Variants in SLC4A4 observed in about 807,000 individuals in gnomAD.
SLC4A4 encodes the protein electrogenic sodium bicarbonate cotransporter 1.
SLC4A4 carries 27 observed loss-of-function variants against 111.5 expected under a neutral mutation model. The ratio of observed to expected loss-of-function variants is 0.24; its 90% CI spans 0.18 to 0.33. The LOEUF (loss-of-function observed/expected upper bound fraction) is 0.33. Among genes scored for constraint, SLC4A4 ranks in the 10% least tolerant of loss-of-function variants. The pLI is 1.00. For missense variants in SLC4A4, 909 were observed against 1,315.5 expected, an observed-to-expected ratio of 0.69 and a Z score of 4.78; for synonymous variants, 443 against 463.4, an observed-to-expected ratio of 0.96 and a Z score of 0.57.
chr4:71,463,521 T>A (rs1727032395), intron 12 of SLC4A4, among the ~76,000 whole-genome samples: 1 of 152,174 alleles, frequency 6.6e-6, no homozygotes, highest in Non-Finnish European at 1.5e-5. Flanking sequence ...GTATAATAAA[T>A]CACCTGTCTG....
chr4:71,083,915 T>C (rs1307269342), intron 1 of SLC4A4, among the ~76,000 whole-genome samples: 4 of 151,862 alleles, frequency 2.6e-5, no homozygotes, highest in African/African-American at 4.9e-5. Context: ...ATCTTTGTTA[T>C]GGTTATTCGC....
At chr4:71,151,463 G>A (rs896512063) in intron 2 of SLC4A4, among the ~76,000 whole-genome samples, 1 of 151,870 alleles carries the variant, frequency 6.6e-6, no homozygotes, top group East Asian at 1.9e-4. Context: ...CTCTGACATA[G>A]CCTTTGTCAT....
chr4:71,270,905 C>A (rs1722659940), intron 3 of SLC4A4, among the ~76,000 whole-genome samples: 1 of 152,196 alleles, frequency 6.6e-6, no homozygotes. Flanking sequence ...AGCAAAAGAA[C>A]AAATTAGCTT....
chr4:71,570,060 G>T lies in SLC4A4; in HGVS notation c.*2309G>T, dbSNP rs909489024. 1.3e-5 allele frequency: 2 copies of T among 151,598 alleles called. No individual in the cohort carries two copies. Among genetic ancestry groups the T allele is most frequent in the African/African-American group, 4.8e-5 (2 of 41,348 alleles). The allele number at this position is 151,598 out of a possible 1,614,324, so 9.4% of individuals were successfully genotyped here. A position where few individuals can be genotyped will look rare whatever the true frequency, so the allele number is the denominator to read the frequency against. On this transcript the variant is annotated 3_prime_UTR_variant, in exon 26 of 26. Transcript: ENST00000264485. The stretch of plus-strand genomic sequence containing the variant: ...TTATGCATGGAAGCATCAATAAATT[G>T]TTTAAAAACCATGTATAGTAAATTC...
At chr4:71,398,048 G>A (rs551724315) in intron 7 of SLC4A4, among the ~76,000 whole-genome samples, 1 of 152,214 alleles carries the variant, frequency 6.6e-6, no homozygotes, top group East Asian at 1.9e-4. Flanking sequence ...CACTTTGGGA[G>A]GCTGAGGTGG....
chr4:71,526,245 G>T (rs1733408561), intron 16 of SLC4A4, among the ~76,000 whole-genome samples: 1 of 152,040 alleles, frequency 6.6e-6, no homozygotes, highest in South Asian at 2.1e-4. Context: ...CTGGATTCAA[G>T]ATCTCAGAAA....
intron 2 of SLC4A4, among the ~76,000 whole-genome samples, chr4:71,148,082 C>A (rs1308610175): frequency 6.6e-6 from 1 of 152,196 alleles, no homozygotes; most frequent in African/African-American, 2.4e-5. Flanking sequence ...TAGAAACTTA[C>A]AACTGCAAGG....
chr4:71,210,245 C>T (rs563340550), intron 1 of SLC4A4, among the ~76,000 whole-genome samples: 5 of 152,266 alleles, frequency 3.3e-5, no homozygotes, highest in African/African-American at 9.6e-5. Flanking sequence ...GAGCTGCAAC[C>T]CCCTGTGTAA....
At chr4:71,505,813 T>C (rs1025551825) in intron 16 of SLC4A4, among the ~76,000 whole-genome samples, 1 of 152,176 alleles carries the variant, frequency 6.6e-6, no homozygotes, top group Non-Finnish European at 1.5e-5. Flanking sequence ...CTAGGGTTTT[T>C]ATGGTTTGGG....
exon 1 of SLC4A4, among the ~76,000 whole-genome samples, chr4:71,062,772 T>C (rs1002965353): frequency 3.9e-5 from 6 of 152,182 alleles, no homozygotes; most frequent in Admixed American, 3.3e-4. Flanking sequence ...CCACAGACAA[T>C]TTGAAGGACA....
chr4:71,216,628 A>G (rs1461063677), intron 1 of SLC4A4, among the ~76,000 whole-genome samples: 1 of 152,192 alleles, frequency 6.6e-6, no homozygotes, highest in East Asian at 1.9e-4. Flanking sequence ...CCACCTTGGA[A>G]CTAATAAGCT....
At chr4:71,084,915 T>C (rs891044505) in intron 1 of SLC4A4, among the ~76,000 whole-genome samples, 2 of 152,098 alleles carry the variant, frequency 1.3e-5, no homozygotes, top group African/African-American at 2.4e-5. Flanking sequence ...TTTGGGTATA[T>C]ACCCAGTAAT....
In SLC4A4 at chr4:71,349,984, C is replaced by A; in HGVS notation, c.462C>A (p.Ser154=). The change falls in exon 5 of 26, where the codon TCC becomes TCA. Residue 154 remains serine (S), a synonymous_variant. Transcript: ENST00000264485. ...GCAAGCCCCATGTGGCCACATTGTC[C>A]CTTCATAGTTTATTTGAGCTGAGGA... The part of the protein sequence containing the change: ...RWSKPHVATL[S]LHSLFELRTC... The A allele has an allele frequency of 6.2e-7, 1 of 1,613,976 alleles. No individual in the cohort carries two copies. The highest frequency in any genetic ancestry group is 1.1e-5 in the South Asian group (1 of 91,076).
intron 3 of SLC4A4, among the ~76,000 whole-genome samples, chr4:71,283,377 A>T (rs1217332648): frequency 6.6e-6 from 1 of 152,048 alleles, no homozygotes; most frequent in Admixed American, 6.6e-5. Context: ...CTGACATTTG[A>T]CCCACGGGGA....
intron 2 of SLC4A4, among the ~76,000 whole-genome samples, chr4:71,237,197 G>T (rs1441789786): frequency 6.6e-6 from 1 of 152,148 alleles, no homozygotes; most frequent in African/African-American, 2.4e-5. Flanking sequence ...TTTTGCTGAT[G>T]TTTCCTAGTG....
intron 16 of SLC4A4, among the ~76,000 whole-genome samples, chr4:71,509,522 G>T (rs1001575309): frequency 2.0e-5 from 3 of 151,870 alleles, no homozygotes; most frequent in Non-Finnish European, 4.4e-5. Flanking sequence ...CTTAATTTTT[G>T]TAAGCAATCT....
At chr4:71,306,153 A>G (rs1211934475) in intron 3 of SLC4A4, among the ~76,000 whole-genome samples, 5 of 152,148 alleles carry the variant, frequency 3.3e-5, no homozygotes, top group Non-Finnish European at 7.4e-5. Context: ...TCTCTTAGTG[A>G]CAGTACACCA....
At chr4:71,147,408 G>A (rs565300247) in intron 2 of SLC4A4, among the ~76,000 whole-genome samples, 2 of 152,092 alleles carry the variant, frequency 1.3e-5, no homozygotes, top group Admixed American at 6.6e-5. Context: ...GTTCATGATG[G>A]TCAGTGAGTA....
intron 1 of SLC4A4, among the ~76,000 whole-genome samples, chr4:71,076,699 TA>T (rs1351482822): frequency 2.6e-5 from 4 of 152,066 alleles, no homozygotes; most frequent in Non-Finnish European, 5.9e-5. Flanking sequence ...ATATGAACTT[TA>T]AAAAATAAGG....
Sources: allele counts gnomAD v4.1 joint callset (sites outside exome capture counted in the v4.1 genomes callset), GRCh38; gene constraint gnomAD v4.1.1; transcripts MANE v1.5; gene names NCBI Gene and HGNC (gene_info 2026-07-23, HGNC 2026-07-21).